The following CDC42BPB variants were observed in gnomAD, a reference collection of about 807,000 sequenced individuals.
CDC42BPB encodes the protein serine/threonine-protein kinase MRCK beta.
A neutral mutation model predicts 214.9 loss-of-function variants in CDC42BPB; 37 were observed. The ratio of observed to expected loss-of-function variants is 0.17; its 90% CI spans 0.13 to 0.23. The LOEUF (loss-of-function observed/expected upper bound fraction) is 0.23. Among genes scored for constraint, CDC42BPB ranks in the 10% least tolerant of loss-of-function variants. CDC42BPB has a pLI of 1.00. For synonymous variants in CDC42BPB, 931 were observed against 884.0 expected (o/e 1.05, Z -0.94); for missense variants, 1,694 against 2,227.0 (o/e 0.76, Z 4.82).
intron 5 of CDC42BPB, among the ~76,000 whole-genome samples, chr14:102,989,601 G>C (rs1350973621): frequency 6.6e-6 from 1 of 152,202 alleles, no homozygotes; most frequent in African/African-American, 2.4e-5. Context: ...GGCCGGGTGC[G>C]ATGGCTCACG....
At chr14:103,044,732 A>T (rs1888198339) in intron 1 of CDC42BPB, among the ~76,000 whole-genome samples, 1 of 148,602 alleles carries the variant, frequency 6.7e-6, no homozygotes, top group South Asian at 2.2e-4. Context: ...GCTGGTCTTG[A>T]ACTCCTGGGC....
At chr14:102,978,588 G>A (rs1281305814) in intron 8 of CDC42BPB, among the ~76,000 whole-genome samples, 2 of 152,188 alleles carry the variant, frequency 1.3e-5, no homozygotes, top group East Asian at 3.8e-4. Context: ...ACAGAGCCTG[G>A]GGACTCTCAG....
chr14:102,976,132 G>A, intron 9 of CDC42BPB, 83 bp from the exon 10 acceptor site: 1 of 1,552,792 alleles, frequency 6.4e-7, no homozygotes, highest in East Asian at 2.3e-5. Flanking sequence ...TGAGGTGAAA[G>A]ATAGTCTTTT....
At position 102,954,646 on chromosome 14, in the gene CDC42BPB, C is replaced by T. The variant is rs763035580; in HGVS notation, c.2944G>A (p.Glu982Lys). 7 of 1,614,042 alleles carry T rather than the reference C, an allele frequency of 4.3e-6. No individual in the cohort carries two copies. Among genetic ancestry groups the T allele is most frequent in the Non-Finnish European group, 5.9e-6 (7 of 1,179,974 alleles). ...GCCACAGACATCGACGGGGACGCTT[C>T]TGGCTTCGGAGCTTGTGTTTCTTGC... ...SEQETQAPKP[E>K]ASPSMSVAAS... The change falls in exon 22 of 37, where the codon GAA becomes AAA. Residue 982 changes from glutamate (E) to lysine (K), a missense_variant. Physicochemically the swap from Glu to Lys is moderately conservative, Grantham distance 56. This residue lies in a region of CDC42BPB where 156 missense variants were observed against 154.5 expected (regional missense o/e 1.01). Transcript: ENST00000361246.
intron 36 of CDC42BPB, among the ~76,000 whole-genome samples, chr14:102,935,863 A>G (rs960454306): frequency 6.6e-6 from 1 of 152,174 alleles, no homozygotes; most frequent in Admixed American, 6.5e-5. Context: ...CTCTCACAAG[A>G]GCCTGGTACT....
chr14:102,967,183 A>G lies in CDC42BPB; in HGVS notation c.2347-13T>C, dbSNP rs962245279. The G allele has an allele frequency of 6.2e-7, 1 of 1,606,490 alleles. No homozygotes were observed. Reference sequence around the variant, plus strand: ...CAAAGGAACAGAGCTGAAATGAAACAATTTCACCACAGAACTTGTTAATCG... The same window carrying G: ...CAAAGGAACAGAGCTGAAATGAAACGATTTCACCACAGAACTTGTTAATCG... On this transcript the variant is annotated splice_polypyrimidine_tract_variant and intron_variant, in intron 16 of 36. Transcript: ENST00000361246.
intron 7 of CDC42BPB, among the ~76,000 whole-genome samples, chr14:102,982,814 G>C (rs866987003): frequency 2.0e-5 from 3 of 151,960 alleles, no homozygotes; most frequent in Admixed American, 1.3e-4. Context: ...GGGAGGCAGA[G>C]GTTGCAGTGA....
chr14:103,053,767 A>C (rs1229166225), intron 1 of CDC42BPB, among the ~76,000 whole-genome samples: 1 of 152,012 alleles, frequency 6.6e-6, no homozygotes, highest in African/African-American at 2.4e-5. Flanking sequence ...GTCTCAAAAA[A>C]AAAAAAAAAA....
In CDC42BPB at chr14:103,048,532, CAAAAAA is replaced by C. The variant is rs71119751; in HGVS notation, c.175+8461_175+8466del. Among the ~76,000 whole-genome samples the C allele has an allele frequency of 2.0e-3, 86 of 42,656 alleles. No individual in the cohort carries two copies. The East Asian group carries it at 0.03, about 15-fold the overall frequency. 28.0% of individuals were successfully genotyped at this position (42,656 alleles called of 152,430 possible). On this transcript the variant is annotated intron_variant, in intron 1 of 36. Transcript: ENST00000361246. ...TGAAACCCTGTTTCTACTAAAAATA[CAAAAAA>C]AAAAAAAAAAAAAAAAAAAAAAATT...
At chr14:102,986,429 C>A in intron 6 of CDC42BPB, 58 bp downstream of exon 6, 2 of 1,214,342 alleles carry the variant, frequency 1.6e-6, no homozygotes, top group Non-Finnish European at 2.4e-6. Context: ...GAAAACTTCC[C>A]TTCTGACTAT....
intron 1 of CDC42BPB, among the ~76,000 whole-genome samples, chr14:103,027,853 G>A (rs1483847120): frequency 6.6e-6 from 1 of 152,230 alleles, no homozygotes; most frequent in African/African-American, 2.4e-5. Flanking sequence ...CAAAAAGCCA[G>A]GCGTGGTGGA....
At chr14:102,965,386 A>AT (rs1350430236) in intron 18 of CDC42BPB, among the ~76,000 whole-genome samples, 3 of 140,862 alleles carry the variant, frequency 2.1e-5, no homozygotes, top group African/African-American at 8.3e-5. Flanking sequence ...CCTACCTGTG[A>AT]TTAAAAAAAA....
chr14:102,981,534 A>G (rs1258536843), intron 7 of CDC42BPB, among the ~76,000 whole-genome samples: 1 of 152,204 alleles, frequency 6.6e-6, no homozygotes, highest in East Asian at 1.9e-4. Flanking sequence ...TAATCCCAGC[A>G]CTTTGGGAGG....
At chr14:102,950,703 C>CACCAG in intron 24 of CDC42BPB, 101 bp from the exon 25 acceptor site, 3 of 1,383,638 alleles carry the variant, frequency 2.2e-6, no homozygotes, top group East Asian at 3.0e-5. Context: ...CACCAGGTCT[C>CACCAG]GCCTGGAATC....
chr14:102,976,837 ATGGGCT>A, intron 9 of CDC42BPB, among the ~76,000 whole-genome samples: 1 of 152,290 alleles, frequency 6.6e-6, no homozygotes, highest in East Asian at 1.9e-4. Context: ...AACTACAGCC[ATGGGCT>A]TGGGACCTGC....
At position 102,950,482 on chromosome 14, in the gene CDC42BPB, T is replaced by C; in HGVS notation, c.3293A>G (p.Tyr1098Cys). ...GCCGCCTACCTTGACATGGCCTTTG[T>C]AGGCTGTTCCGATGCCTCGCTGCAC... The part of the protein sequence containing the change: ...VDVQRGIGTA[Y>C]KGHVKVPKPT... The change falls in exon 25 of 37, where the codon TAC becomes TGC. Residue 1098 changes from tyrosine (Y) to cysteine (C), a missense_variant. Coordinates refer to ENST00000361246, the MANE Select transcript of CDC42BPB (RefSeq NM_006035.4). 6.2e-7 allele frequency: 1 copy of C among 1,613,200 alleles called. No homozygotes were observed. The highest frequency in any genetic ancestry group is 8.5e-7 in the Non-Finnish European group (1 of 1,179,976).
chr14:102,980,165 G>A (rs894305123), intron 8 of CDC42BPB, among the ~76,000 whole-genome samples: 2 of 152,216 alleles, frequency 1.3e-5, no homozygotes, highest in African/African-American at 4.8e-5. Flanking sequence ...TCACAGTGAA[G>A]CTCTAATACA....
intron 6 of CDC42BPB, among the ~76,000 whole-genome samples, chr14:102,985,385 G>A (rs1322524430): frequency 7.4e-5 from 11 of 148,312 alleles, no homozygotes; most frequent in South Asian, 4.4e-4. Flanking sequence ...TTGTTATACC[G>A]TGACAGGGTG....
chr14:102,981,447 C>T (rs1893994020), intron 7 of CDC42BPB, among the ~76,000 whole-genome samples: 2 of 152,186 alleles, frequency 1.3e-5, no homozygotes, highest in African/African-American at 4.8e-5. Context: ...ACCAAGAAAA[C>T]TGCAAATTAC....
Sources: allele counts gnomAD v4.1 joint callset (sites outside exome capture counted in the v4.1 genomes callset), GRCh38; gene constraint gnomAD v4.1.1; regional missense constraint gnomAD v4.1.1; transcripts MANE v1.5; gene names NCBI Gene and HGNC (gene_info 2026-07-23, HGNC 2026-07-21).